The following ZNF420 variants were observed in gnomAD, a reference collection of about 807,000 sequenced individuals.
ZNF420 encodes ATM and p53-associated KZNF protein.
Under a neutral mutation model 44.7 loss-of-function variants are expected in ZNF420, and 31 were observed. The ratio of observed to expected loss-of-function variants is 0.69; its 90% confidence interval spans 0.52 to 0.94. ZNF420 has a LOEUF of 0.94. ZNF420 is among the 40% of genes least tolerant of loss of function. The pLI is 0.00. For missense variants in ZNF420, 681 were observed against 827.9 expected, an observed-to-expected ratio of 0.82 and a Z score of 2.18; for synonymous variants, 245 against 267.4, an observed-to-expected ratio of 0.92 and a Z score of 0.82.
exon 1 of ZNF420, chr19:37,008,025 G>T (rs1020747312): frequency 4.7e-6 from 1 of 211,592 alleles, no homozygotes; most frequent in Non-Finnish European, 9.5e-6. Flanking sequence ...AACCACAGGC[G>T]GAGTCTAGGG....
chr19:37,032,963 A>G (rs1967290583), intron 1 of ZNF420, among the ~76,000 whole-genome samples: 1 of 152,208 alleles, frequency 6.6e-6, no homozygotes, highest in Non-Finnish European at 1.5e-5. Context: ...TAGGAAGAGA[A>G]TTAGAAAAAA....
rs1023497568 is a variant in ZNF420 at position 37,089,117 on chromosome 19, C to A, written c.-2C>A. The A allele has an allele frequency of 4.3e-6, 7 of 1,613,220 alleles. No individual in the cohort carries two copies. The Admixed American group carries it at 5.0e-5, about 12-fold the overall frequency. ...TGATCATTTCTTGCAGCTCTAAAAA[C>A]CATGGCTCGGGTAAATTGGAGTTTC... On this transcript the variant is annotated 5_prime_UTR_variant, in exon 3 of 5. Transcript: ENST00000337995.
At position 37,129,192 on chromosome 19, in the gene ZNF420, G is replaced by C; in HGVS notation, c.*134G>C. 1 of 1,124,778 alleles carries C rather than the reference G, an allele frequency of 8.9e-7. No homozygotes were observed. The highest frequency in any genetic ancestry group is 1.3e-6 in the Non-Finnish European group (1 of 795,996). 69.7% of individuals were successfully genotyped at this position (1,124,778 alleles called of 1,614,324 possible). A position where few individuals can be genotyped will look rare whatever the true frequency, so the allele number is the denominator to read the frequency against. On this transcript the variant is annotated 3_prime_UTR_variant, in exon 5 of 5. Coordinates refer to ENST00000337995, the MANE Select transcript of ZNF420 (RefSeq NM_144689.5). Reference sequence around the variant, plus strand: ...CAGATAATTTATGTGAGAGAAAATGGTAGTGTCATTCATATAGAAAAACAT... The same window carrying C: ...CAGATAATTTATGTGAGAGAAAATGCTAGTGTCATTCATATAGAAAAACAT...
chr19:37,130,265 T>G lies in ZNF420; in HGVS notation c.*1207T>G, dbSNP rs1348467994. The G allele has an allele frequency of 2.1e-6, 3 of 1,454,768 alleles. No homozygotes were observed. Among genetic ancestry groups the G allele is most frequent in the African/African-American group, 1.4e-5 (1 of 69,110 alleles). 90.1% of individuals were successfully genotyped at this position (1,454,768 alleles called of 1,614,324 possible). A position where few individuals can be genotyped will look rare whatever the true frequency, so the allele number is the denominator to read the frequency against. ...CTTTGTGGAACAGCCATACTAGCTC[T>G]GGTCTGCTTGCCTCCTGTTTCTCTT... is the stretch of plus-strand genomic sequence containing the variant. On this transcript the variant is annotated 3_prime_UTR_variant, in exon 5 of 5. Transcript: ENST00000337995.
In ZNF420 at chr19:37,056,877, G is replaced by A. The variant is rs537214348; in HGVS notation, c.-124-23468G>A. ...CCTCTCTCCCACGTCGCCGCCTACCGGACCGGGGATCCAGCCACCGCCAGG... is the reference window on the plus strand; with the variant it reads ...CCTCTCTCCCACGTCGCCGCCTACCAGACCGGGGATCCAGCCACCGCCAGG... On this transcript the variant is annotated intron_variant, in intron 1 of 4. Transcript: ENST00000587029. Among the ~76,000 whole-genome samples the A allele has an allele frequency of 4.6e-5, 7 of 152,332 alleles. No homozygotes were observed. The South Asian group carries it at 1.4e-3, about 32-fold the overall frequency.
At chr19:37,096,039 A>G (rs1969434242) in intron 4 of ZNF420, 1 of 152,230 alleles carries the variant, frequency 6.6e-6, no homozygotes, top group African/African-American at 2.4e-5. Flanking sequence ...AGCACTCTGA[A>G]GATATTATTC....
chr19:37,082,639 A>G (rs1010714997), intron 2 of ZNF420, among the ~76,000 whole-genome samples: 1 of 152,184 alleles, frequency 6.6e-6, no homozygotes, highest in Non-Finnish European at 1.5e-5. Flanking sequence ...GTTTCAAAAT[A>G]ACAATACCAA....
rs748526980 is a variant in ZNF420, at chr19:37,127,315, G to T, written c.324G>T (p.Arg108Ser). The T allele has an allele frequency of 1.2e-6, 2 of 1,612,996 alleles. No individual in the cohort carries two copies. The highest frequency in any genetic ancestry group is 1.7e-5 in the Admixed American group (1 of 59,894). ...KQQENQKEYF[R>S]QGMIIYDKMS... ...AAGAAAATCAGAAGGAATATTTCAG[G>T]CAAGGGATGATCATATATGACAAAA... Residue 108 changes from arginine (R) to serine (S), a missense_variant, in exon 5 of 5, where the codon AGG becomes AGT. Transcript: ENST00000337995.
chr19:37,064,160 T>C (rs189179491), intron 1 of ZNF420, among the ~76,000 whole-genome samples: 2 of 152,256 alleles, frequency 1.3e-5, no homozygotes, highest in Non-Finnish European at 2.9e-5. Flanking sequence ...CATTACATCT[T>C]AATCACTAAG....
intron 1 of ZNF420, among the ~76,000 whole-genome samples, chr19:37,021,708 G>T (rs1274714248): frequency 6.6e-6 from 1 of 151,808 alleles, no homozygotes; most frequent in African/African-American, 2.4e-5. Context: ...GGAGGCCAAG[G>T]CATGGGGATC....
intron 4 of ZNF420, among the ~76,000 whole-genome samples, chr19:37,125,910 A>G (rs1178291001): frequency 2.6e-5 from 4 of 152,172 alleles, no homozygotes; most frequent in Non-Finnish European, 4.4e-5. Context: ...CCCAAAGTAT[A>G]AAGAATTCAT....
intron 2 of ZNF420, among the ~76,000 whole-genome samples, chr19:37,088,260 T>C (rs1968944317): frequency 6.6e-6 from 1 of 152,178 alleles, no homozygotes; most frequent in African/African-American, 2.4e-5. Context: ...CTGGAAAAAA[T>C]GTGTTTATGA....
At chr19:37,091,276 G>A in intron 4 of ZNF420, 155 bp downstream of exon 4, 1 of 707,376 alleles carries the variant, frequency 1.4e-6, no homozygotes, top group Non-Finnish European at 2.1e-6. Flanking sequence ...GGTTTCTCAG[G>A]GCACCTTTAT....
At chr19:37,086,382 G>A (rs1196458767) in intron 2 of ZNF420, among the ~76,000 whole-genome samples, 5 of 152,104 alleles carry the variant, frequency 3.3e-5, no homozygotes, top group African/African-American at 1.2e-4. Flanking sequence ...GTGATTAAAG[G>A]CTGGTTGTGT....
chr19:37,029,114 G>A (rs1035165381), intron 1 of ZNF420, among the ~76,000 whole-genome samples: 4 of 152,142 alleles, frequency 2.6e-5, no homozygotes, highest in African/African-American at 9.6e-5. Flanking sequence ...TAACTAAGAG[G>A]GTCCAAGATT....
At chr19:37,063,277 A>G (rs1164162757) in intron 1 of ZNF420, among the ~76,000 whole-genome samples, 2 of 152,100 alleles carry the variant, frequency 1.3e-5, no homozygotes, top group Admixed American at 1.3e-4. Context: ...AGAAAACCCA[A>G]TTCCCCCTGA....
chr19:37,037,361 A>G (rs1967374589), intron 1 of ZNF420, among the ~76,000 whole-genome samples: 1 of 152,220 alleles, frequency 6.6e-6, no homozygotes, highest in Non-Finnish European at 1.5e-5. Context: ...ACGATTGCTC[A>G]GTGCAATGGC....
At position 37,057,353 on chromosome 19, in the gene ZNF420, C is replaced by A. The variant is rs553268628; in HGVS notation, c.-124-22992C>A. Among the ~76,000 whole-genome samples, 4 of 152,288 alleles carry A rather than the reference C, an allele frequency of 2.6e-5. No homozygotes were observed. The South Asian group carries it at 8.3e-4, about 32-fold the overall frequency. On this transcript the variant is annotated intron_variant, in intron 1 of 4. Transcript: ENST00000587029. ...GTGTCCATAGGCTCCTGTCTCATCC[C>A]AGTGTCGATCTCGTGGAGAGCAGAA...
chr19:37,012,025 G>A (rs2074573325), intron 1 of ZNF420, among the ~76,000 whole-genome samples: 1 of 152,172 alleles, frequency 6.6e-6, no homozygotes, highest in South Asian at 2.1e-4. Flanking sequence ...GCGAGGCCCT[G>A]CCCGCCTCAC....
Sources: gnomAD v4.1 joint callset for allele counts (sites outside exome capture counted in the v4.1 genomes callset) on GRCh38, gnomAD v4.1.1 for gene constraint, MANE v1.5 for transcripts, NCBI Gene and HGNC (gene_info 2026-07-23, HGNC 2026-07-21) for gene names.